Variants in CHSY3 observed in about 807,000 individuals in gnomAD.
CHSY3 encodes N-acetylgalactosaminyl-proteoglycan 3-beta-glucuronosyltransferase 3.
A neutral mutation model predicts 67.2 loss-of-function variants in CHSY3; 35 were observed. That is an observed-to-expected ratio of 0.52 (90% CI 0.40 to 0.69). The LOEUF (loss-of-function observed/expected upper bound fraction) is 0.69. Among genes scored for constraint, CHSY3 ranks in the 30% least tolerant of loss-of-function variants. The pLI is 0.00. For synonymous variants in CHSY3, 474 were observed against 434.7 expected (o/e 1.09, Z -1.12); for missense variants, 1,069 against 1,138.5 (o/e 0.94, Z 0.88).
intron 2 of CHSY3, among the ~76,000 whole-genome samples, chr5:130,020,461 A>ATATATATTTTTTT (rs1371121130): frequency 3.8e-5 from 3 of 79,934 alleles, no homozygotes; most frequent in Non-Finnish European, 6.7e-5. Flanking sequence ...ATATATATAT[A>ATATATATTTTTTT]TTTTTTTTTT....
intron 2 of CHSY3, among the ~76,000 whole-genome samples, chr5:130,101,184 C>A (rs550511556): frequency 6.6e-6 from 1 of 151,222 alleles, no homozygotes; most frequent in African/African-American, 2.5e-5. Context: ...TCTTGATAAA[C>A]CATCCGAGTA....
chr5:129,934,711 A>G (rs1054583159), intron 2 of CHSY3, among the ~76,000 whole-genome samples: 2 of 152,186 alleles, frequency 1.3e-5, no homozygotes, highest in Non-Finnish European at 2.9e-5. Context: ...TTAAACATAG[A>G]TACCCCATAT....
chr5:130,024,350 T>G (rs1764479668), intron 2 of CHSY3, among the ~76,000 whole-genome samples: 1 of 152,122 alleles, frequency 6.6e-6, no homozygotes, highest in African/African-American at 2.4e-5. Flanking sequence ...CATCCAAATC[T>G]TTTAAATATA....
Position 129,932,757 on chromosome 5 carries a change from C to CT in CHSY3, c.1086+24407dup, listed in dbSNP as rs143935926. 2.2e-4 allele frequency among the ~76,000 whole-genome samples: 33 copies of CT among 148,060 alleles called. No homozygotes were observed. The South Asian group carries it at 2.4e-3, about 11-fold the overall frequency. On this transcript the variant is annotated intron_variant, in intron 2 of 2. Transcript: ENST00000305031. The stretch of plus-strand genomic sequence containing the variant: ...AATACCCATTTTAAAAAGAGAAAGT[C>CT]TTTTTTTTTTAAAGGCATATTGAGA...
chr5:129,919,881 A>G (rs1243190826), intron 2 of CHSY3, among the ~76,000 whole-genome samples: 1 of 152,202 alleles, frequency 6.6e-6, no homozygotes, highest in East Asian at 1.9e-4. Context: ...ATGATTTTTT[A>G]TACAGTGTGG....
chr5:130,029,394 G>T (rs1194572492), intron 2 of CHSY3, among the ~76,000 whole-genome samples: 1 of 151,934 alleles, frequency 6.6e-6, no homozygotes, highest in African/African-American at 2.4e-5. Context: ...AAAATTAAGG[G>T]TCTTTCACAA....
intron 2 of CHSY3, among the ~76,000 whole-genome samples, chr5:129,909,136 C>T (rs1760439127): frequency 6.6e-6 from 1 of 151,852 alleles, no homozygotes; most frequent in Non-Finnish European, 1.5e-5. Context: ...ATTTTTTCTT[C>T]AGAAATTGAT....
Position 130,185,553 on chromosome 5 carries a change from G to A in CHSY3, c.2411G>A (p.Gly804Glu). Residue 804 changes from glycine (G) to glutamate (E), a missense_variant, in exon 3 of 3, where the codon GGA (glycine) becomes GAA (glutamate). By Grantham distance (98) the Gly-to-Glu change is moderately conservative. This residue lies in a region of CHSY3 where 139 missense variants were observed against 152.8 expected (regional missense o/e 0.91). Transcript: ENST00000305031. ...GGFDTSIQGWGLEDVDLYNKV... is the reference protein window; with the variant it reads ...GGFDTSIQGWELEDVDLYNKV... The stretch of plus-strand genomic sequence containing the variant: ...TTTGATACCTCAATACAAGGCTGGG[G>A]ACTAGAAGATGTAGATCTCTACAAT... The A allele has an allele frequency of 6.2e-7, 1 of 1,614,126 alleles. No individual in the cohort carries two copies. The highest frequency in any genetic ancestry group is 1.1e-5 in the South Asian group (1 of 91,078).
At chr5:130,176,172 A>C (rs549301154) in intron 2 of CHSY3, among the ~76,000 whole-genome samples, 2 of 152,278 alleles carry the variant, frequency 1.3e-5, no homozygotes, top group East Asian at 3.9e-4. Flanking sequence ...CAAGCACCCC[A>C]TCAAAAAGTG....
chr5:129,937,386 A>G (rs1372486425), intron 2 of CHSY3, among the ~76,000 whole-genome samples: 1 of 152,154 alleles, frequency 6.6e-6, no homozygotes, highest in Admixed American at 6.5e-5. Flanking sequence ...CCCATCATTC[A>G]ATCACCTCCC....
chr5:130,174,024 A>G (rs1769971918), intron 2 of CHSY3, among the ~76,000 whole-genome samples: 2 of 152,118 alleles, frequency 1.3e-5, no homozygotes, highest in Admixed American at 1.3e-4. Flanking sequence ...TAAGGACAAT[A>G]AGACTCTCCA....
chr5:130,096,238 C>A lies in CHSY3; in HGVS notation c.1087-87991C>A, dbSNP rs115032624. The stretch of plus-strand genomic sequence containing the variant: ...CCCAGGCTGGAGTGCAATGGCGCAG[C>A]CTCAGCTCACTGCAACCTCCTTCTC... On this transcript the variant is annotated intron_variant, in intron 2 of 2. Coordinates refer to ENST00000305031, the MANE Select transcript of CHSY3 (RefSeq NM_175856.5). 9.2e-3 allele frequency among the ~76,000 whole-genome samples: 1,393 copies of A among 152,186 alleles called. 16 individuals are homozygous for A. The highest frequency in any genetic ancestry group is 0.031 in the African/African-American group (1,290 of 41,526).
At chr5:130,164,104 A>G (rs1212195406) in intron 2 of CHSY3, among the ~76,000 whole-genome samples, 4 of 152,246 alleles carry the variant, frequency 2.6e-5, no homozygotes, top group East Asian at 1.9e-4. Flanking sequence ...AATGGGCTCC[A>G]GAGCCCTGTT....
At chr5:129,990,824 T>A (rs1162432341) in intron 2 of CHSY3, among the ~76,000 whole-genome samples, 5 of 152,036 alleles carry the variant, frequency 3.3e-5, no homozygotes, top group Non-Finnish European at 7.4e-5. Flanking sequence ...AAGTTTATAG[T>A]AGAATAAGGA....
chr5:130,100,647 T>C (rs546584193), intron 2 of CHSY3, among the ~76,000 whole-genome samples: 7 of 152,190 alleles, frequency 4.6e-5, no homozygotes, highest in Non-Finnish European at 8.8e-5. Flanking sequence ...TGAGTAATTA[T>C]TATGTTCCAA....
At chr5:130,152,307 G>A (rs954087862) in intron 2 of CHSY3, among the ~76,000 whole-genome samples, 2 of 152,108 alleles carry the variant, frequency 1.3e-5, no homozygotes, top group African/African-American at 2.4e-5. Flanking sequence ...TAAAAGCTGT[G>A]GTCTTCCCAT....
At chr5:129,957,096 A>G (rs1217007094) in intron 2 of CHSY3, among the ~76,000 whole-genome samples, 1 of 152,150 alleles carries the variant, frequency 6.6e-6, no homozygotes, top group South Asian at 2.1e-4. Flanking sequence ...CCTATCAATG[A>G]GCATGGAATG....
intron 2 of CHSY3, among the ~76,000 whole-genome samples, chr5:130,169,755 T>A (rs1263671163): frequency 6.6e-6 from 1 of 151,368 alleles, no homozygotes; most frequent in African/African-American, 2.4e-5. Context: ...ATTAGTTAAA[T>A]AAGAATCTAC....
chr5:129,917,492 T>G (rs1204583635), intron 2 of CHSY3, among the ~76,000 whole-genome samples: 1 of 152,246 alleles, frequency 6.6e-6, no homozygotes, highest in Non-Finnish European at 1.5e-5. Context: ...TACTAGCTAT[T>G]TTTGCAGAAG....
Sources: allele counts gnomAD v4.1 joint callset (sites outside exome capture counted in the v4.1 genomes callset), GRCh38; gene constraint gnomAD v4.1.1; regional missense constraint gnomAD v4.1.1; transcripts MANE v1.5; gene names NCBI Gene and HGNC (gene_info 2026-07-23, HGNC 2026-07-21).